Variants in SPIN2A observed in about 807,000 individuals in gnomAD.
The protein encoded by SPIN2A is spindlin-2A.
In SPIN2A, 4 loss-of-function variants were observed where a neutral mutation model predicts 9.2. The observed-to-expected ratio is 0.44, with a 90% CI of 0.21 to 1.00. The LOEUF is 1.00. Ranked by LOEUF, SPIN2A falls within the 50% of genes least tolerant of loss-of-function variation. SPIN2A has a pLI of 0.26. For missense variants in SPIN2A, 77 were observed against 172.8 expected (o/e 0.45, Z 3.11); for synonymous variants, 25 against 61.2 (o/e 0.41, Z 2.76).
chrX:57,140,114 C>A (rs890484898), upstream of SPIN2A, among the ~76,000 whole-genome samples: 1 of 111,068 alleles, frequency 9.0e-6, no homozygotes, highest in Non-Finnish European at 1.9e-5. Flanking sequence ...ATTTTGTAGT[C>A]ATTGTAAAAG....
the SPIN2A span, among the ~76,000 whole-genome samples, chrX:57,143,475 G>GTAT: frequency 8.9e-4 from 97 of 109,193 alleles, 1 homozygote; most frequent in Non-Finnish European, 1.5e-3. Flanking sequence ...AAAATTGCTC[G>GTAT]TATTATTATT....
At chrX:57,134,972 G>A (rs1569184950), downstream of SPIN2A, 1 of 111,871 alleles carries the variant, frequency 8.9e-6, no homozygotes, top group Non-Finnish European at 1.9e-5. Context: ...TTTGACAGTT[G>A]CCACTTCCTT....
At chrX:57,134,959 A>G (rs959274391), downstream of SPIN2A, 6 of 112,070 alleles carry the variant, frequency 5.4e-5, no homozygotes, top group African/African-American at 1.6e-4. Context: ...TGCATCTGGC[A>G]TCTTTGACAG....
chrX:57,139,910 T>C (rs1409797546), upstream of SPIN2A, among the ~76,000 whole-genome samples: 1 of 112,086 alleles, frequency 8.9e-6, no homozygotes, highest in Non-Finnish European at 1.9e-5. Flanking sequence ...CTTTGGTGTT[T>C]TGACAGAGAT....
chrX:57,145,920 C>T, the SPIN2A span, among the ~76,000 whole-genome samples: 2 of 111,140 alleles, frequency 1.8e-5, no homozygotes, highest in Admixed American at 1.9e-4. Context: ...GGTCTATGTG[C>T]CTGTTTTTAT....
At chrX:57,142,844 A>T in the SPIN2A span, among the ~76,000 whole-genome samples, 10 of 111,323 alleles carry the variant, frequency 9.0e-5, no homozygotes, top group African/African-American at 3.3e-4. Context: ...TGACCCCTTT[A>T]TCATTATATA....
the SPIN2A span, among the ~76,000 whole-genome samples, chrX:57,144,144 T>C: frequency 1.8e-5 from 2 of 112,148 alleles, no homozygotes; most frequent in African/African-American, 6.5e-5. Context: ...TGTTCTTTAC[T>C]GGCTTGCAAG....
chrX:57,142,983 G>A, the SPIN2A span, among the ~76,000 whole-genome samples: 1 of 110,612 alleles, frequency 9.0e-6, no homozygotes, highest in Non-Finnish European at 1.9e-5. Context: ...TTTAATTTTA[G>A]GTCTGTTGTA....
chrX:57,141,292 G>A (rs1463769406), upstream of SPIN2A, among the ~76,000 whole-genome samples: 3 of 111,850 alleles, frequency 2.7e-5, no homozygotes, highest in Middle Eastern at 4.6e-3. Context: ...AATCCTACTT[G>A]ATCATGTGAA....
downstream of SPIN2A, chrX:57,135,632 G>A: frequency 1.0e-6 from 1 of 970,781 alleles, no homozygotes; most frequent in Non-Finnish European, 1.4e-6. Context: ...ACAAGACAAA[G>A]GGCTTACAGA....
At position 57,135,743 on chromosome X, in the gene SPIN2A, C is replaced by T. The variant is rs1315125549; in HGVS notation, c.*78G>A. ...TCAGGGATTCCATAAGCTTTCAGTA[C>T]ACTGAAAGGCAACATTTTTTGCATG... On this transcript the variant is annotated 3_prime_UTR_variant, in exon 2 of 2. Coordinates refer to ENST00000374906, the MANE Select transcript of SPIN2A (RefSeq NM_019003.5). The T allele has an allele frequency of 8.6e-7, 1 of 1,163,956 alleles. No individual in the cohort carries two copies. Among genetic ancestry groups the T allele is most frequent in the Non-Finnish European group, 1.1e-6 (1 of 871,071 alleles).
At chrX:57,145,276 C>A in the SPIN2A span, among the ~76,000 whole-genome samples, 1 of 109,148 alleles carries the variant, frequency 9.2e-6, no homozygotes, top group Non-Finnish European at 1.9e-5. Context: ...GGTGGTATTA[C>A]ATTGTGGTTT....
the SPIN2A span, among the ~76,000 whole-genome samples, chrX:57,142,977 A>G: frequency 9.1e-6 from 1 of 109,862 alleles, no homozygotes; most frequent in East Asian, 2.8e-4. Context: ...CCATTCTTTA[A>G]TTTTAGGTCT....
chrX:57,138,000 T>C (rs1927884695), upstream of SPIN2A, among the ~76,000 whole-genome samples: 1 of 111,781 alleles, frequency 8.9e-6, no homozygotes, highest in African/African-American at 3.3e-5. Context: ...AACTCACAGA[T>C]ATAATTCTCT....
intron 1 of SPIN2A, 198 bp downstream of exon 1, chrX:57,137,062 C>G: frequency 1.2e-6 from 1 of 813,224 alleles, no homozygotes; most frequent in Non-Finnish European, 1.5e-6. Flanking sequence ...AAATCCTTGT[C>G]TGGCTCCTAT....
At chrX:57,143,896 G>C in the SPIN2A span, among the ~76,000 whole-genome samples, 9 of 111,914 alleles carry the variant, frequency 8.0e-5, no homozygotes, top group Non-Finnish European at 1.3e-4. Context: ...TTATCAGTGA[G>C]TTTTAGATCT....
chrX:57,145,258 G>GGT, the SPIN2A span, among the ~76,000 whole-genome samples: 2 of 108,062 alleles, frequency 1.9e-5, no homozygotes, highest in African/African-American at 3.5e-5. Flanking sequence ...TCTTTTGGGG[G>GGT]GGGGTAAGGT....
upstream of SPIN2A, chrX:57,137,773 C>CA (rs767433872): frequency 1.1e-4 from 12 of 111,432 alleles, no homozygotes; most frequent in Non-Finnish European, 2.3e-4. Flanking sequence ...ACATTTCTCA[C>CA]ATTCTTTGGA....
chrX:57,138,478 T>C (rs1368169300), upstream of SPIN2A, among the ~76,000 whole-genome samples: 3 of 110,826 alleles, frequency 2.7e-5, no homozygotes, highest in Non-Finnish European at 5.7e-5. Flanking sequence ...ACAGTTAAGT[T>C]GATTCCATAT....
Sources: gnomAD v4.1 joint callset for allele counts (sites outside exome capture counted in the v4.1 genomes callset) on GRCh38, gnomAD v4.1.1 for gene constraint, MANE v1.5 for transcripts, NCBI Gene and HGNC (gene_info 2026-07-23, HGNC 2026-07-21) for gene names.